The following TCF4 variants were observed in gnomAD, a reference collection of about 807,000 sequenced individuals.
TCF4 encodes transcription factor 4, also known as SL3-3 enhancer factor 2.
TCF4 carries 3 observed loss-of-function variants against 82.1 expected under a neutral mutation model. The ratio of observed to expected loss-of-function variants is 0.04; its 90% CI spans 0.02 to 0.09. The LOEUF (loss-of-function observed/expected upper bound fraction) is 0.09, where lower values mean the gene tolerates loss of function less well. Among genes scored for constraint, TCF4 ranks in the 10% least tolerant of loss-of-function variants. The pLI, the probability that TCF4 is intolerant of heterozygous loss-of-function variation, is 1.00. For synonymous variants in TCF4, 276 were observed against 309.6 expected, an observed-to-expected ratio of 0.89 and a Z score of 1.14; for missense variants, 518 against 852.7, an observed-to-expected ratio of 0.61 and a Z score of 4.89.
At chr18:55,462,377 T>C (rs1433154235) in intron 4 of TCF4, among the ~76,000 whole-genome samples, 1 of 152,130 alleles carries the variant, frequency 6.6e-6, no homozygotes, top group Admixed American at 6.6e-5. Context: ...AATTTAATCC[T>C]CAGCACAGTG....
intron 8 of TCF4, among the ~76,000 whole-genome samples, chr18:55,280,999 T>C (rs2062488511): frequency 1.3e-5 from 2 of 151,998 alleles, no homozygotes. Context: ...CCTGGAGCTT[T>C]AACAAAACAA....
chr18:55,569,677 A>G (rs190653570), intron 3 of TCF4, among the ~76,000 whole-genome samples: 87 of 152,296 alleles, frequency 5.7e-4, no homozygotes, highest in African/African-American at 2.0e-3. Context: ...AAATCATCAG[A>G]AAATGTAAAA....
chr18:55,361,540 C>T (rs2085200957), intron 6 of TCF4, among the ~76,000 whole-genome samples: 1 of 152,228 alleles, frequency 6.6e-6, no homozygotes, highest in South Asian at 2.1e-4. Flanking sequence ...ACCCTTTCTT[C>T]CCATTCCACA....
At chr18:55,346,590 T>G (rs2081233772) in intron 8 of TCF4, among the ~76,000 whole-genome samples, 1 of 152,164 alleles carries the variant, frequency 6.6e-6, no homozygotes, top group Non-Finnish European at 1.5e-5. Flanking sequence ...AATCTGATGT[T>G]CAAGAGATTC....
At chr18:55,262,233 A>G (rs2058215416) in intron 11 of TCF4, among the ~76,000 whole-genome samples, 1 of 152,204 alleles carries the variant, frequency 6.6e-6, no homozygotes, top group Admixed American at 6.5e-5. Flanking sequence ...ATTTTTATCT[A>G]CAAAAGAGAA....
At chr18:55,298,454 A>G (rs576041082) in intron 8 of TCF4, among the ~76,000 whole-genome samples, 1 of 152,276 alleles carries the variant, frequency 6.6e-6, no homozygotes, top group South Asian at 2.1e-4. Context: ...CAACCCATAT[A>G]CTACGGTTTT....
intron 1 of TCF4, among the ~76,000 whole-genome samples, chr18:55,632,061 CGTA>C (rs1237952271): frequency 6.6e-6 from 1 of 152,028 alleles, no homozygotes; most frequent in Non-Finnish European, 1.5e-5. Flanking sequence ...TGTTTTGAAA[CGTA>C]GTCTCGCTCT....
chr18:55,458,137 T>C (rs1246031107), intron 5 of TCF4, among the ~76,000 whole-genome samples: 2 of 152,218 alleles, frequency 1.3e-5, no homozygotes, highest in Admixed American at 6.5e-5. Flanking sequence ...CTTATTTCTG[T>C]AGCAGACGCC....
chr18:55,601,520 A>G lies in TCF4; in HGVS notation c.287-14384T>C, dbSNP rs532203746. Among the ~76,000 whole-genome samples, 8 of 149,624 alleles carry G rather than the reference A, an allele frequency of 5.3e-5. No individual in the cohort carries two copies. In the South Asian group the frequency reaches 1.7e-3, roughly 31 times the overall value. On this transcript the variant is annotated intron_variant, in intron 2 of 20. Transcript: ENST00000398339. ...TGATTCAAGCTGGGTGCGGTGGCTCACGCCTGTAATCCCAGCACTTTGGGA... is the reference window on the plus strand; with the variant it reads ...TGATTCAAGCTGGGTGCGGTGGCTCGCGCCTGTAATCCCAGCACTTTGGGA...
At chr18:55,233,596 A>G (rs973192510) in intron 16 of TCF4, among the ~76,000 whole-genome samples, 3 of 152,078 alleles carry the variant, frequency 2.0e-5, no homozygotes, top group African/African-American at 4.8e-5. Context: ...CGGGTGCATC[A>G]CTTGAGGTCA....
Position 55,538,026 on chromosome 18 carries a change from G to GCGCGCACACACACA in TCF4, c.145+47253_145+47254insTGTGTGTGTGCGCG, listed in dbSNP as rs1277287061. 3.0e-5 allele frequency among the ~76,000 whole-genome samples: 4 copies of GCGCGCACACACACA among 131,570 alleles called. No homozygotes were observed. The South Asian group carries it at 9.9e-4, about 33-fold the overall frequency. The allele number at this position is 131,570 out of a possible 152,430, so 86.3% of individuals were successfully genotyped here. On this transcript the variant is annotated intron_variant, in intron 3 of 19. Transcript: ENST00000354452. Reference sequence around the variant, plus strand: ...CTGGATTTTGCTAGTCTGCGCGCGCGCACACACACACACACACACACACAC... The same window carrying GCGCGCACACACACA: ...CTGGATTTTGCTAGTCTGCGCGCGCGCGCGCACACACACACACACACACACACACACACACACAC...
chr18:55,556,106 T>C (rs542658106), intron 3 of TCF4, among the ~76,000 whole-genome samples: 1 of 152,248 alleles, frequency 6.6e-6, no homozygotes, highest in South Asian at 2.1e-4. Flanking sequence ...GCAGATTAAT[T>C]TGTATCATTA....
intron 5 of TCF4, among the ~76,000 whole-genome samples, chr18:55,428,993 A>G (rs932883340): frequency 1.3e-5 from 2 of 152,224 alleles, no homozygotes; most frequent in Non-Finnish European, 2.9e-5. Context: ...AATAAATATA[A>G]GTGGGAAAAA....
At chr18:55,384,210 T>TTGTG (rs1358250173) in intron 6 of TCF4, 1 of 152,242 alleles carries the variant, frequency 6.6e-6, no homozygotes, top group Non-Finnish European at 1.5e-5. Flanking sequence ...GATGTCTCTG[T>TTGTG]TGTGTTCACT....
At chr18:55,570,339 A>C (rs568230719) in intron 3 of TCF4, among the ~76,000 whole-genome samples, 1 of 152,312 alleles carries the variant, frequency 6.6e-6, no homozygotes, top group South Asian at 2.1e-4. Context: ...TGACTATCTT[A>C]AATTTAAGGA....
At chr18:55,359,614 A>G (rs1056685765) in intron 6 of TCF4, among the ~76,000 whole-genome samples, 1 of 152,198 alleles carries the variant, frequency 6.6e-6, no homozygotes, top group Non-Finnish European at 1.5e-5. Flanking sequence ...TGCCTTCTCC[A>G]TCTCTACCCA....
In TCF4 at chr18:55,486,207, C is replaced by A. The variant is rs2096512338; in HGVS notation, c.146-22070G>T. ...GGGAAAAAGTTTTAAGTTTAAGCTA[C>A]AAATGGTAAATAAACACCAAGGGAT... On this transcript the variant is annotated intron_variant, in intron 3 of 19. Coordinates refer to ENST00000354452, the MANE Select transcript of TCF4 (RefSeq NM_001083962.2). Among the ~76,000 whole-genome samples, 4 of 152,126 alleles carry A rather than the reference C, an allele frequency of 2.6e-5. 1 individual carries two copies. In the South Asian group the frequency reaches 8.3e-4, roughly 31 times the overall value.
At chr18:55,513,176 G>C (rs2096845737) in intron 3 of TCF4, among the ~76,000 whole-genome samples, 1 of 152,136 alleles carries the variant, frequency 6.6e-6, no homozygotes, top group Non-Finnish European at 1.5e-5. Flanking sequence ...GACTAGTGCT[G>C]ACTTCAGGTC....
chr18:55,474,991 G>A (rs1488796791), intron 3 of TCF4, among the ~76,000 whole-genome samples: 1 of 152,162 alleles, frequency 6.6e-6, no homozygotes, highest in Non-Finnish European at 1.5e-5. Flanking sequence ...TGAACCATGT[G>A]TAAGTTGCAT....
Sources: allele counts gnomAD v4.1 joint callset (sites outside exome capture counted in the v4.1 genomes callset), GRCh38; gene constraint gnomAD v4.1.1; transcripts MANE v1.5; gene names NCBI Gene and HGNC (gene_info 2026-07-23, HGNC 2026-07-21).